Variants in MYT1 observed in about 807,000 individuals in gnomAD.
MYT1 encodes the protein myelin transcription factor I.
In MYT1, 23 loss-of-function variants were observed where a neutral mutation model predicts 123.0. The observed-to-expected ratio is 0.19, with a 90% CI of 0.13 to 0.26. The LOEUF (loss-of-function observed/expected upper bound fraction) is 0.26. Among genes scored for constraint, MYT1 ranks in the 10% least tolerant of loss-of-function variants. The pLI is 1.00. For missense variants in MYT1, 1,125 were observed against 1,472.5 expected, an observed-to-expected ratio of 0.76 and a Z score of 3.86; for synonymous variants, 518 against 575.3, an observed-to-expected ratio of 0.90 and a Z score of 1.43.
Position 64,207,781 on chromosome 20 carries a change from G to A in MYT1, c.585G>A (p.Val195=). Reference sequence around the variant, plus strand: ...CGGCCAAGCCAGGTCCTGGCATTGTGCACCTGCTTCAGGAGGCTGCAGAGG... The same window carrying A: ...CGGCCAAGCCAGGTCCTGGCATTGTACACCTGCTTCAGGAGGCTGCAGAGG... ...GQAAKPGPGI[V]HLLQEAAEGA... Residue 195 remains valine, a synonymous_variant, in exon 7 of 23, where the codon GTG becomes GTA. Coordinates refer to ENST00000328439, the MANE Select transcript of MYT1 (RefSeq NM_004535.3). 1 of 1,613,932 alleles carries A rather than the reference G, an allele frequency of 6.2e-7. No individual in the cohort carries two copies. Among genetic ancestry groups the A allele is most frequent in the Non-Finnish European group, 8.5e-7 (1 of 1,179,988 alleles).
rs767757832 is a variant in MYT1, at chr20:64,239,749, C to T, written c.3094-11C>T. The T allele has an allele frequency of 1.9e-6, 3 of 1,613,732 alleles. No individual in the cohort carries two copies. The Admixed American group carries it at 5.0e-5, about 27-fold the overall frequency. ...AGGGCAGGCGGCACTTCGAATCTCT[C>T]TCTGGCACAGATCTCCTCCATGGAG... On this transcript the variant is annotated splice_polypyrimidine_tract_variant and intron_variant, in intron 21 of 22. Transcript: ENST00000328439.
At chr20:64,182,015 G>A (rs956895914) in intron 1 of MYT1, among the ~76,000 whole-genome samples, 2 of 152,200 alleles carry the variant, frequency 1.3e-5, no homozygotes, top group Non-Finnish European at 2.9e-5. Context: ...TGTGACCTGT[G>A]ACTGGTTTCG....
chr20:64,179,792 TAC>T lies in MYT1; in HGVS notation c.-98-10263_-98-10262del. Among the ~76,000 whole-genome samples, 3 of 152,054 alleles carry T rather than the reference TAC, an allele frequency of 2.0e-5. No individual in the cohort carries two copies. The East Asian group carries it at 5.8e-4, about 29-fold the overall frequency. On this transcript the variant is annotated intron_variant, in intron 1 of 22. Transcript: ENST00000328439. ...ACATGGCTGGGAAGACGTATGTGTG[TAC>T]ACACACATACTCACATGCTACACAC... is the stretch of plus-strand genomic sequence containing the variant.
intron 16 of MYT1, among the ~76,000 whole-genome samples, chr20:64,226,328 AGGCTGTGCCC>A (rs1256292497): frequency 2.0e-5 from 3 of 152,278 alleles, no homozygotes; most frequent in African/African-American, 7.2e-5. Flanking sequence ...TTTGGGTGCC[AGGCTGTGCCC>A]GGCTTCATCT....
Position 64,205,641 on chromosome 20 carries a change from A to C in MYT1, c.238A>C (p.Lys80Gln). ...LVSKRKSHPL[K>Q]LALDEGYGVD... ...GTCCAAGAGGAAGTCACACCCCCTG[A>C]AGCTGGCTCTGGACGAGGGCTATGG... Residue 80 changes from lysine to glutamine, a missense_variant, in exon 6 of 23, where the codon AAG becomes CAG. Lys to Gln is a moderately conservative substitution (Grantham distance 53). This residue lies in a region of MYT1 where 406 missense variants were observed against 432.2 expected (regional missense o/e 0.94). Transcript: ENST00000328439. 6.2e-7 allele frequency: 1 copy of C among 1,614,140 alleles called. No individual in the cohort carries two copies. The highest frequency in any genetic ancestry group is 8.5e-7 in the Non-Finnish European group (1 of 1,180,032).
At chr20:64,199,186 C>T (rs551889898) in intron 3 of MYT1, among the ~76,000 whole-genome samples, 5 of 152,322 alleles carry the variant, frequency 3.3e-5, no homozygotes, top group African/African-American at 9.6e-5. Context: ...GGCTCAGTTA[C>T]GAGACCATTC....
rs1568708022 is a variant in MYT1, at chr20:64,201,914, CCG to C, written c.86+1995_86+1996del. Among the ~76,000 whole-genome samples the C allele has an allele frequency of 1.6e-3, 217 of 134,278 alleles. 1 individual carries two copies. Among genetic ancestry groups the C allele is most frequent in the South Asian group, 9.4e-3 (41 of 4,344 alleles). The allele number at this position is 134,278 out of a possible 152,430, so 88.1% of individuals were successfully genotyped here. A position where few individuals can be genotyped will look rare whatever the true frequency, so the allele number is the denominator to read the frequency against. On this transcript the variant is annotated intron_variant, in intron 4 of 22. Coordinates refer to ENST00000328439, the MANE Select transcript of MYT1 (RefSeq NM_004535.3). ...GGGAACCCCCGTGTGTCGGGAACCC[CCG>C]CGTGTCGGGAACCCCCGCGTGTCGG...
At position 64,205,888 on chromosome 20, in the gene MYT1, C is replaced by T. The variant is rs988086586; in HGVS notation, c.397+88C>T. The T allele has an allele frequency of 6.5e-6, 10 of 1,541,452 alleles. No individual in the cohort carries two copies. In the Admixed American group the frequency reaches 1.2e-4, roughly 18 times the overall value. On this transcript the variant is annotated intron_variant, in intron 6 of 22. Coordinates refer to ENST00000328439, the MANE Select transcript of MYT1 (RefSeq NM_004535.3). ...CCTGTGAGCGGGGAGGGGCTCACTC[C>T]GGGCAAGAGAAAGCCCTTCCTGAGA...
intron 1 of MYT1, among the ~76,000 whole-genome samples, chr20:64,184,043 C>T (rs1982729369): frequency 6.6e-6 from 1 of 152,168 alleles, no homozygotes. Context: ...TGGTCTCGAA[C>T]CCCTGACCTC....
At chr20:64,220,493 T>C (rs1983968523) in intron 13 of MYT1, among the ~76,000 whole-genome samples, 1 of 152,210 alleles carries the variant, frequency 6.6e-6, no homozygotes, top group African/African-American at 2.4e-5. Flanking sequence ...GCATGGGTGC[T>C]GGAACTGTGG....
At chr20:64,230,961 G>T (rs1302623583) in intron 18 of MYT1, among the ~76,000 whole-genome samples, 1 of 152,168 alleles carries the variant, frequency 6.6e-6, no homozygotes, top group African/African-American at 2.4e-5. Context: ...TGCCCTCCCT[G>T]TCCAGGCCTT....
At position 64,217,232 on chromosome 20, in the gene MYT1, G is replaced by A; in HGVS notation, c.1797G>A (p.Met599Ile). ...ATGCTCAGGTTTTTGGCAAACGCAT[G>A]CTTGCCCCAAAGATTCAGACCAGCG... ...SFDAQVFGKR[M>I]LAPKIQTSET... The change falls in exon 11 of 23, where the codon ATG (methionine) becomes ATA (isoleucine). Residue 599 changes from methionine to isoleucine, a missense_variant. Physicochemically the swap from Met to Ile is conservative, Grantham distance 10. Transcript: ENST00000328439. 6.2e-7 allele frequency: 1 copy of A among 1,614,280 alleles called. No individual in the cohort carries two copies. The highest frequency in any genetic ancestry group is 2.2e-5 in the East Asian group (1 of 44,886).
chr20:64,180,158 A>G (rs560301556), intron 1 of MYT1, among the ~76,000 whole-genome samples: 98 of 152,060 alleles, frequency 6.4e-4, no homozygotes, highest in African/African-American at 2.2e-3. Context: ...ACACAGTTAC[A>G]TGCTACACAG....
At chr20:64,227,737 T>C in intron 17 of MYT1, 151 bp from the exon 18 acceptor site, 1 of 759,858 alleles carries the variant, frequency 1.3e-6, no homozygotes, top group Non-Finnish European at 2.1e-6. Context: ...TGTCTGTGGA[T>C]TCTGCTTCTT....
chr20:64,238,833 T>C (rs1984630140), intron 21 of MYT1, among the ~76,000 whole-genome samples: 2 of 152,212 alleles, frequency 1.3e-5, no homozygotes, highest in South Asian at 4.1e-4. Flanking sequence ...TTTACTAGCA[T>C]CCCTTTGGAA....
intron 4 of MYT1, among the ~76,000 whole-genome samples, chr20:64,200,862 G>A (rs866037365): frequency 6.6e-6 from 1 of 152,230 alleles, no homozygotes; most frequent in African/African-American, 2.4e-5. Context: ...TCGTGTGCCA[G>A]CACTTCCGGT....
chr20:64,222,778 G>C (rs1367257503), intron 14 of MYT1, among the ~76,000 whole-genome samples: 1 of 152,228 alleles, frequency 6.6e-6, no homozygotes, highest in Non-Finnish European at 1.5e-5. Flanking sequence ...TCCAGGGAAG[G>C]CCTTGCTTCA....
chr20:64,214,303 G>C (rs1983773807), intron 10 of MYT1, among the ~76,000 whole-genome samples: 1 of 152,240 alleles, frequency 6.6e-6, no homozygotes, highest in Non-Finnish European at 1.5e-5. Flanking sequence ...ATGTGTATGT[G>C]AACACGTGGG....
intron 2 of MYT1, among the ~76,000 whole-genome samples, chr20:64,197,176 C>T (rs1983148839): frequency 6.6e-6 from 1 of 152,248 alleles, no homozygotes; most frequent in South Asian, 2.1e-4. Flanking sequence ...CTGTGCTCCA[C>T]AGCCTGGAGT....
Sources: gnomAD v4.1 joint callset for allele counts (sites outside exome capture counted in the v4.1 genomes callset) on GRCh38, gnomAD v4.1.1 for gene constraint, gnomAD v4.1.1 regional missense constraint, MANE v1.5 for transcripts, NCBI Gene and HGNC (gene_info 2026-07-23, HGNC 2026-07-21) for gene names.